Variants in XXYLT1 observed in about 807,000 individuals in gnomAD.
The protein encoded by XXYLT1 is UDP-xylose:alpha-xyloside alpha-1,3-xylosyltransferase.
XXYLT1 carries 20 observed loss-of-function variants against 28.9 expected under a neutral mutation model. That is an observed-to-expected ratio of 0.69 (90% CI 0.49 to 1.00). The LOEUF (loss-of-function observed/expected upper bound fraction) is 1.00. XXYLT1 is among the 50% of genes least tolerant of loss of function. The probability of loss-of-function intolerance (pLI) is 0.00; values close to 1 mark genes in which losing one functional copy is unlikely to be tolerated. For synonymous variants in XXYLT1, 257 were observed against 253.8 expected (o/e 1.01, Z -0.12); for missense variants, 542 against 560.1 (o/e 0.97, Z 0.33).
At position 195,084,278 on chromosome 3, in the gene XXYLT1, G is replaced by A. The variant is rs528641745; in HGVS notation, c.786-14167C>T. 5.1e-4 allele frequency among the ~76,000 whole-genome samples: 78 copies of A among 152,160 alleles called. 1 individual carries two copies. Among genetic ancestry groups the A allele is most frequent in the Non-Finnish European group, 9.0e-4 (61 of 68,034 alleles). On this transcript the variant is annotated intron_variant, in intron 3 of 3. Transcript: ENST00000310380. ...GTTCCAACCACAGAGCAGGCTGTGG[G>A]TGAGGATGGGAAGATGGCAGGGATC...
At chr3:195,121,901 C>T (rs1039920616) in intron 3 of XXYLT1, 68 of 630,828 alleles carry the variant, frequency 1.1e-4, no homozygotes, top group African/African-American at 1.1e-3. Context: ...TAGCACTGGG[C>T]CTCCAAGAGA....
At chr3:195,144,068 A>AT (rs1379207172) in intron 3 of XXYLT1, among the ~76,000 whole-genome samples, 33 of 147,968 alleles carry the variant, frequency 2.2e-4, no homozygotes, top group African/African-American at 7.6e-4. Context: ...TGATTTTTGT[A>AT]TTTTTATTAG....
chr3:195,230,720 T>C (rs1049695124), intron 1 of XXYLT1, among the ~76,000 whole-genome samples: 7 of 152,208 alleles, frequency 4.6e-5, no homozygotes, highest in Admixed American at 3.3e-4. Flanking sequence ...GGGTTCTCTA[T>C]TCTGTTGCAT....
At chr3:195,253,503 C>CTTTTTTTTT (rs1231480044) in intron 1 of XXYLT1, among the ~76,000 whole-genome samples, 7 of 130,238 alleles carry the variant, frequency 5.4e-5, no homozygotes, top group Admixed American at 7.7e-5. Context: ...CTTTTTTTTT[C>CTTTTTTTTT]TTTTTTTTTT....
At chr3:195,157,104 G>A (rs1195435138) in intron 2 of XXYLT1, among the ~76,000 whole-genome samples, 2 of 152,002 alleles carry the variant, frequency 1.3e-5, no homozygotes, top group Non-Finnish European at 2.9e-5. Flanking sequence ...TTAGCTGGGC[G>A]TGGTGGCAGG....
At position 195,226,699 on chromosome 3, in the gene XXYLT1, C is replaced by A. The variant is rs762579584; in HGVS notation, c.652+10G>T. On this transcript the variant is annotated intron_variant, in intron 2 of 3. Coordinates refer to ENST00000310380, the MANE Select transcript of XXYLT1 (RefSeq NM_152531.5). ...ACCCAGGGGCTATTGCTCCTGGAAG[C>A]CCAGGTTACCTTTGGGCATGATCTG... 6.2e-7 allele frequency: 1 copy of A among 1,610,018 alleles called. No homozygotes were observed. The highest frequency in any genetic ancestry group is 8.5e-7 in the Non-Finnish European group (1 of 1,178,750).
At chr3:195,142,738 G>A (rs1719558339) in intron 3 of XXYLT1, among the ~76,000 whole-genome samples, 1 of 152,248 alleles carries the variant, frequency 6.6e-6, no homozygotes, top group Non-Finnish European at 1.5e-5. Flanking sequence ...TGCACGCTGG[G>A]GTCTTCATGC....
At chr3:195,104,297 G>C (rs531973568) in intron 3 of XXYLT1, among the ~76,000 whole-genome samples, 1 of 152,026 alleles carries the variant, frequency 6.6e-6, no homozygotes, top group African/African-American at 2.4e-5. Flanking sequence ...TCTAGGAACA[G>C]AAACAGAAGT....
At chr3:195,083,338 C>G (rs531711196) in intron 3 of XXYLT1, among the ~76,000 whole-genome samples, 1 of 152,134 alleles carries the variant, frequency 6.6e-6, no homozygotes, top group Non-Finnish European at 1.5e-5. Flanking sequence ...CAGAACCTCT[C>G]GAAAGACTCC....
At chr3:195,222,769 A>C (rs1723883809) in intron 2 of XXYLT1, among the ~76,000 whole-genome samples, 4 of 152,206 alleles carry the variant, frequency 2.6e-5, no homozygotes, top group Admixed American at 2.6e-4. Flanking sequence ...ATCATGACAT[A>C]GCTTCATTTG....
At chr3:195,193,228 C>T (rs1722494700) in intron 2 of XXYLT1, among the ~76,000 whole-genome samples, 1 of 150,282 alleles carries the variant, frequency 6.7e-6, no homozygotes, top group Admixed American at 6.7e-5. Flanking sequence ...GTGGAGGATG[C>T]AGTGGGCGGA....
At chr3:195,244,761 CAAAAAAA>C (rs869207427) in intron 1 of XXYLT1, among the ~76,000 whole-genome samples, 2 of 26,532 alleles carry the variant, frequency 7.5e-5, no homozygotes, top group African/African-American at 1.4e-4. Context: ...GACTCTGTCT[CAAAAAAA>C]AAAAAAAAAA....
At chr3:195,099,230 T>A (rs1716627869) in intron 3 of XXYLT1, among the ~76,000 whole-genome samples, 1 of 152,096 alleles carries the variant, frequency 6.6e-6, no homozygotes, top group Admixed American at 6.5e-5. Context: ...AAGAAATAAA[T>A]AAACGTGCTC....
intron 3 of XXYLT1, chr3:195,122,017 A>G (rs1025054585): frequency 4.3e-6 from 3 of 702,936 alleles, no homozygotes; most frequent in Non-Finnish European, 7.8e-6. Flanking sequence ...ACAGAAGTCA[A>G]GTTCTTACAG....
intron 2 of XXYLT1, among the ~76,000 whole-genome samples, chr3:195,167,023 T>C (rs1406119903): frequency 2.6e-5 from 4 of 152,232 alleles, no homozygotes; most frequent in African/African-American, 4.8e-5. Flanking sequence ...GTTTGCCTGA[T>C]GTTTCCTCCT....
Position 195,210,373 on chromosome 3 carries a change from C to T in XXYLT1, c.652+16336G>A, listed in dbSNP as rs969866740. 1.3e-5 allele frequency among the ~76,000 whole-genome samples: 2 copies of T among 152,186 alleles called. No individual in the cohort carries two copies. Among genetic ancestry groups the T allele is most frequent in the Admixed American group, 6.5e-5 (1 of 15,288 alleles). ...AGCTCCCCAAGGGCAGGACTGCTGT[C>T]GTGCCCCAGTGCCCTGAACACAGTG... On this transcript the variant is annotated intron_variant, in intron 2 of 3. Transcript: ENST00000310380. The surrounding 1 kb of genome is among the most constrained non-coding windows in gnomAD (Gnocchi z 4.8).
intron 3 of XXYLT1, among the ~76,000 whole-genome samples, chr3:195,142,747 G>A (rs1719558621): frequency 2.0e-5 from 3 of 152,338 alleles, no homozygotes; most frequent in African/African-American, 7.2e-5. Context: ...GGGTCTTCAT[G>A]CGGCCAGCCC....
chr3:195,208,449 A>G (rs145279768), intron 2 of XXYLT1, among the ~76,000 whole-genome samples: 1 of 152,088 alleles, frequency 6.6e-6, no homozygotes, highest in Non-Finnish European at 1.5e-5. Flanking sequence ...ACATGGTCCC[A>G]CCTGCTCTGG....
chr3:195,237,015 G>C (rs1318478330), intron 1 of XXYLT1, among the ~76,000 whole-genome samples: 1 of 152,134 alleles, frequency 6.6e-6, no homozygotes, highest in Non-Finnish European at 1.5e-5. Flanking sequence ...ACAGAAGGAG[G>C]GGGTCTCTTT....
Sources: gnomAD v4.1 joint callset for allele counts (sites outside exome capture counted in the v4.1 genomes callset) on GRCh38, gnomAD v4.1.1 for gene constraint, Gnocchi (gnomAD v3.1) non-coding constraint, MANE v1.5 for transcripts, NCBI Gene and HGNC (gene_info 2026-07-23, HGNC 2026-07-21) for gene names.